The following PLD5 variants were observed in gnomAD, a reference collection of about 807,000 sequenced individuals.
The protein encoded by PLD5 is phospholipase D family member 5.
Under a neutral mutation model 61.1 loss-of-function variants are expected in PLD5, and 36 were observed. The ratio of observed to expected loss-of-function variants is 0.59; its 90% confidence interval spans 0.45 to 0.78. PLD5 has a LOEUF of 0.78. PLD5 is among the 30% of genes least tolerant of loss of function. The probability of loss-of-function intolerance (pLI) is 0.00; values close to 1 mark genes in which losing one functional copy is unlikely to be tolerated. For synonymous variants in PLD5, 243 were observed against 242.8 expected, an observed-to-expected ratio of 1.00 and a Z score of -0.01; for missense variants, 515 against 644.4, an observed-to-expected ratio of 0.80 and a Z score of 2.17.
chr1:242,406,708 A>G (rs1190553585), intron 1 of PLD5, among the ~76,000 whole-genome samples: 2 of 152,250 alleles, frequency 1.3e-5, no homozygotes, highest in Non-Finnish European at 2.9e-5. Context: ...AATAGTGTTT[A>G]AAACTATTTC....
rs1669374898 is a variant in PLD5, at chr1:242,524,288, C to T, written c.-12G>A. Reference sequence around the variant, plus strand: ...TGCCGGATCTCCATCCTGACATGACCGGGCGGCCGCCGGCGAGCAGCGGAC... The same window carrying T: ...TGCCGGATCTCCATCCTGACATGACTGGGCGGCCGCCGGCGAGCAGCGGAC... On this transcript the variant is annotated 5_prime_UTR_variant, in exon 1 of 10. Transcript: ENST00000536534. 1.4e-6 allele frequency: 2 copies of T among 1,389,922 alleles called. No homozygotes were observed. The highest frequency in any genetic ancestry group is 9.3e-7 in the Non-Finnish European group (1 of 1,077,842). 86.1% of individuals were successfully genotyped at this position (1,389,922 alleles called of 1,614,324 possible).
intron 1 of PLD5, among the ~76,000 whole-genome samples, chr1:242,434,505 GAGGGGGATACCTATGT>G (rs1665888357): frequency 1.3e-5 from 2 of 152,218 alleles, no homozygotes; most frequent in Non-Finnish European, 2.9e-5. Flanking sequence ...AGATGCTGGG[GAGGGGGATACCTATGT>G]AGGAGCTGTC....
intron 1 of PLD5, among the ~76,000 whole-genome samples, chr1:242,472,517 T>G (rs1229859380): frequency 1.3e-5 from 2 of 152,210 alleles, no homozygotes; most frequent in Non-Finnish European, 2.9e-5. Context: ...AAAAGTATAT[T>G]CTTGTTCACA....
intron 4 of PLD5, among the ~76,000 whole-genome samples, chr1:242,239,309 G>C (rs78739840): frequency 6.6e-6 from 1 of 152,104 alleles, no homozygotes; most frequent in Admixed American, 6.5e-5. Flanking sequence ...CTTGTTGGTG[G>C]AATGAATGAT....
chr1:242,123,160 G>A (rs761641170), intron 6 of PLD5, among the ~76,000 whole-genome samples: 1 of 152,148 alleles, frequency 6.6e-6, no homozygotes, highest in African/African-American at 2.4e-5. Context: ...ACGCCGACAG[G>A]TTCTTGAATA....
intron 1 of PLD5, among the ~76,000 whole-genome samples, chr1:242,417,368 T>G (rs1197230727): frequency 6.6e-6 from 1 of 152,244 alleles, no homozygotes; most frequent in East Asian, 1.9e-4. Flanking sequence ...AGTTTACCAT[T>G]GCCATGGCAA....
chr1:242,118,861 T>A (rs537715815), intron 6 of PLD5, among the ~76,000 whole-genome samples: 1 of 152,348 alleles, frequency 6.6e-6, no homozygotes, highest in African/African-American at 2.4e-5. Flanking sequence ...GACTAGTGGC[T>A]GTAAAATGTC....
intron 5 of PLD5, among the ~76,000 whole-genome samples, chr1:242,146,318 T>A (rs772309338): frequency 5.3e-5 from 8 of 152,238 alleles, no homozygotes; most frequent in Non-Finnish European, 8.8e-5. Flanking sequence ...ATGACCTTTT[T>A]AATTTGTAAA....
chr1:242,526,899 CT>C (rs1669459137), upstream of PLD5, among the ~76,000 whole-genome samples: 1 of 152,164 alleles, frequency 6.6e-6, no homozygotes, highest in African/African-American at 2.4e-5. Flanking sequence ...AAGAATACCT[CT>C]GCCTTTTGCT....
intron 5 of PLD5, among the ~76,000 whole-genome samples, chr1:242,196,241 T>A (rs1354410933): frequency 6.6e-6 from 1 of 152,228 alleles, no homozygotes; most frequent in African/African-American, 2.4e-5. Flanking sequence ...ATGTAGTGTC[T>A]GTGTTTACAC....
intron 2 of PLD5, among the ~76,000 whole-genome samples, chr1:242,337,027 G>T (rs183653232): frequency 1.3e-5 from 2 of 152,086 alleles, no homozygotes; most frequent in East Asian, 3.9e-4. Context: ...GACCAAGTTT[G>T]CACAGTAGGT....
chr1:242,363,177 A>G (rs1008100461), intron 1 of PLD5, among the ~76,000 whole-genome samples: 5 of 152,056 alleles, frequency 3.3e-5, no homozygotes, highest in African/African-American at 1.2e-4. Context: ...GAAGGAGCAG[A>G]TGGAATAATC....
intron 1 of PLD5, among the ~76,000 whole-genome samples, chr1:242,391,876 A>G (rs2149265123): frequency 6.6e-6 from 1 of 152,300 alleles, no homozygotes; most frequent in East Asian, 1.9e-4. Context: ...TTAAAACAGA[A>G]CCACCATTTG....
chr1:242,207,249 A>C (rs1669376391), intron 5 of PLD5, among the ~76,000 whole-genome samples: 1 of 152,102 alleles, frequency 6.6e-6, no homozygotes, highest in African/African-American at 2.4e-5. Flanking sequence ...TCACACCCTC[A>C]TAATTCAGCC....
intron 9 of PLD5, among the ~76,000 whole-genome samples, chr1:242,097,979 C>G (rs1383782906): frequency 1.3e-5 from 2 of 152,148 alleles, no homozygotes; most frequent in South Asian, 4.1e-4. Flanking sequence ...AGCCAGTTTT[C>G]CCAGCACCAT....
At chr1:242,127,953 C>G (rs1420919598) in intron 5 of PLD5, among the ~76,000 whole-genome samples, 1 of 152,174 alleles carries the variant, frequency 6.6e-6, no homozygotes, top group Non-Finnish European at 1.5e-5. Flanking sequence ...ATGTTCAGGT[C>G]TCTCTGATTT....
intron 1 of PLD5, among the ~76,000 whole-genome samples, chr1:242,364,583 G>A (rs1341315986): frequency 6.6e-6 from 1 of 152,020 alleles, no homozygotes; most frequent in Non-Finnish European, 1.5e-5. Flanking sequence ...GAGTGTGGTG[G>A]CATGCACCTG....
chr1:242,524,122 C>G lies in PLD5; in HGVS notation c.155G>C (p.Ser52Thr). The G allele has an allele frequency of 6.5e-7, 1 of 1,535,334 alleles. No homozygotes were observed. The highest frequency in any genetic ancestry group is 8.7e-7 in the Non-Finnish European group (1 of 1,146,428). Residue 52 changes from serine (S) to threonine (T), a missense_variant, in exon 1 of 10, where the codon AGC (serine) becomes ACC (threonine). Physicochemically the swap from Ser to Thr is moderately conservative, Grantham distance 58. This residue lies in a region of PLD5 where 450 missense variants were observed against 598.1 expected (regional missense o/e 0.75). Transcript: ENST00000536534. ...SSVKQQDYSA[S>T]VWLRRKDKLE... ...CTTGTCTTTCCTCCGAAGCCAGACG[C>G]TGGCGCTGTAGTCCTGCTGCTTGAC...
chr1:242,322,504 C>G (rs1264351939), intron 2 of PLD5, among the ~76,000 whole-genome samples: 20 of 152,108 alleles, frequency 1.3e-4, no homozygotes, highest in Admixed American at 1.2e-3. Flanking sequence ...TAGCATCTGT[C>G]TTTTTATCAG....
Sources: gnomAD v4.1 joint callset for allele counts (sites outside exome capture counted in the v4.1 genomes callset) on GRCh38, gnomAD v4.1.1 for gene constraint, gnomAD v4.1.1 regional missense constraint, MANE v1.5 for transcripts, NCBI Gene and HGNC (gene_info 2026-07-23, HGNC 2026-07-21) for gene names.